The following SLC12A7 variants were observed in gnomAD, a reference collection of about 807,000 sequenced individuals.
SLC12A7 encodes the protein solute carrier family 12 member 7, also known as K-Cl cotransporter 4.
In SLC12A7, 100 loss-of-function variants were observed where a neutral mutation model predicts 120.6. The observed-to-expected ratio is 0.83, with a 90% CI of 0.71 to 0.98. SLC12A7 has a LOEUF of 0.98. Ranked by LOEUF, SLC12A7 falls within the 50% of genes least tolerant of loss-of-function variation. SLC12A7 has a pLI of 0.00. For synonymous variants in SLC12A7, 760 were observed against 678.0 expected, an observed-to-expected ratio of 1.12 and a Z score of -1.88; for missense variants, 1,373 against 1,548.1, an observed-to-expected ratio of 0.89 and a Z score of 1.90.
chr5:1,102,609 T>C (rs1008254593), intron 1 of SLC12A7, among the ~76,000 whole-genome samples: 1 of 152,182 alleles, frequency 6.6e-6, no homozygotes, highest in Admixed American at 6.5e-5. Context: ...TACCCAGCCC[T>C]GCAGAGCAGT....
intron 21 of SLC12A7, among the ~76,000 whole-genome samples, chr5:1,059,669 G>C (rs1313867519): frequency 6.6e-6 from 1 of 151,170 alleles, no homozygotes; most frequent in East Asian, 1.9e-4. Flanking sequence ...ACACCCAGAC[G>C]TCCTCAGCAG....
chr5:1,089,935 G>A (rs1054260214), intron 3 of SLC12A7, among the ~76,000 whole-genome samples: 1 of 152,262 alleles, frequency 6.6e-6, no homozygotes, highest in Non-Finnish European at 1.5e-5. Context: ...AGAGGCACGT[G>A]GCTCAGACCT....
At chr5:1,075,281 A>C in intron 15 of SLC12A7, 90 bp downstream of exon 15, 1 of 1,507,002 alleles carries the variant, frequency 6.6e-7, no homozygotes, top group Admixed American at 2.0e-5. Flanking sequence ...AGCCCCAGGG[A>C]GGCCCCTCCA....
chr5:1,067,774 C>A (rs1396135428), intron 17 of SLC12A7, among the ~76,000 whole-genome samples: 1 of 152,168 alleles, frequency 6.6e-6, no homozygotes, highest in Non-Finnish European at 1.5e-5. Flanking sequence ...ACTGCCCTGG[C>A]CTGGCAGGAA....
chr5:1,122,853 A>T, the SLC12A7 span, among the ~76,000 whole-genome samples: 22 of 152,238 alleles, frequency 1.4e-4, no homozygotes, highest in Non-Finnish European at 2.9e-4. Flanking sequence ...CCCCCTATGT[A>T]GTGATGGGTA....
the SLC12A7 span, among the ~76,000 whole-genome samples, chr5:1,123,683 GAC>G: frequency 6.6e-6 from 1 of 152,238 alleles, no homozygotes; most frequent in African/African-American, 2.4e-5. Context: ...GGTCTTGGAG[GAC>G]ACACGTCACG....
At chr5:1,111,570 G>A (rs1743010981) in intron 1 of SLC12A7, among the ~76,000 whole-genome samples, 2 of 152,148 alleles carry the variant, frequency 1.3e-5, no homozygotes, top group South Asian at 4.1e-4. Flanking sequence ...GCTCCCTCCG[G>A]AGGCGCGCTC....
chr5:1,154,497 CTA>C, the SLC12A7 span, among the ~76,000 whole-genome samples: 1 of 151,990 alleles, frequency 6.6e-6, no homozygotes, highest in African/African-American at 2.4e-5. Context: ...ACACATCACA[CTA>C]TAGACATATA....
chr5:1,110,006 A>G (rs1446334318), intron 1 of SLC12A7, among the ~76,000 whole-genome samples: 1 of 152,016 alleles, frequency 6.6e-6, no homozygotes, highest in African/African-American at 2.4e-5. Context: ...CCCAACCACC[A>G]CCAAAAAGCA....
chr5:1,099,164 T>TGGC (rs2150894972), intron 1 of SLC12A7, among the ~76,000 whole-genome samples: 1 of 152,224 alleles, frequency 6.6e-6, no homozygotes, highest in Non-Finnish European at 1.5e-5. Context: ...GGGCGAGGGA[T>TGGC]GGCCCAACAA....
At chr5:1,074,004 G>A (rs1254824782) in intron 16 of SLC12A7, among the ~76,000 whole-genome samples, 1 of 152,196 alleles carries the variant, frequency 6.6e-6, no homozygotes, top group Non-Finnish European at 1.5e-5. Flanking sequence ...ACAGGTGACA[G>A]GTGAGACAGG....
At chr5:1,137,708 C>T in the SLC12A7 span, among the ~76,000 whole-genome samples, 1 of 152,262 alleles carries the variant, frequency 6.6e-6, no homozygotes, top group African/African-American at 2.4e-5. Context: ...GATTCGGGGC[C>T]GGGGCTCCTC....
Position 1,075,751 on chromosome 5 carries a change from A to G in SLC12A7, c.1848-261T>C, listed in dbSNP as rs1210496469. On this transcript the variant is annotated intron_variant, in intron 14 of 23. Coordinates refer to ENST00000264930, the MANE Select transcript of SLC12A7 (RefSeq NM_006598.3). ...CGTGCACACAGCACCTCGGCTGTGC[A>G]TGCAACAAGGGGCTGAAGCGTCCAC... is the stretch of plus-strand genomic sequence containing the variant. The G allele has an allele frequency of 1.9e-5, 10 of 528,476 alleles. No homozygotes were observed. The East Asian group carries it at 2.4e-4, about 13-fold the overall frequency. The allele number at this position is 528,476 out of a possible 1,614,324, so 32.7% of individuals were successfully genotyped here.
chr5:1,081,633 G>T lies in SLC12A7; in HGVS notation c.1241C>A (p.Thr414Asn). 1 of 1,612,404 alleles carries T rather than the reference G, an allele frequency of 6.2e-7. No individual in the cohort carries two copies. Among genetic ancestry groups the T allele is most frequent in the East Asian group, 2.2e-5 (1 of 44,824 alleles). ...CAGGGTGAAGGAGGCCGCGATGTCGGTGAGCACGTAGGGCAGTGCGCTGGC... is the reference window on the plus strand; with the variant it reads ...CAGGGTGAAGGAGGCCGCGATGTCGTTGAGCACGTAGGGCAGTGCGCTGGC... ...SRASALPYVL[T>N]DIAASFTLLV... The change falls in exon 9 of 24, where the codon ACC becomes AAC. Residue 414 changes from threonine (T) to asparagine (N), a missense_variant. Transcript: ENST00000264930.
chr5:1,082,286 C>T (rs56143307), intron 8 of SLC12A7, among the ~76,000 whole-genome samples: 1,198 of 131,156 alleles, frequency 9.1e-3, no homozygotes, highest in South Asian at 0.04. Flanking sequence ...TTCCCCGTCT[C>T]GGGTTCTGGA....
the SLC12A7 span, among the ~76,000 whole-genome samples, chr5:1,122,044 G>A: frequency 6.6e-6 from 1 of 152,178 alleles, no homozygotes. Context: ...TGGAGGCCCT[G>A]TCTCCCAGCC....
At chr5:1,059,706 C>T (rs564868759) in intron 21 of SLC12A7, among the ~76,000 whole-genome samples, 3 of 149,106 alleles carry the variant, frequency 2.0e-5, no homozygotes, top group East Asian at 4.0e-4. Context: ...GAGCCAAAGC[C>T]GCTGCAGCCA....
the SLC12A7 span, among the ~76,000 whole-genome samples, chr5:1,130,623 G>GTCCCCTCACCTCCTTA: frequency 3.1e-5 from 3 of 97,996 alleles, no homozygotes; most frequent in Non-Finnish European, 6.5e-5. Flanking sequence ...GCCAGGGTGG[G>GTCCCCTCACCTCCTTA]GGCAGCAGGG....
chr5:1,096,363 C>T (rs530896370), intron 1 of SLC12A7, among the ~76,000 whole-genome samples: 1 of 152,260 alleles, frequency 6.6e-6, no homozygotes, highest in Non-Finnish European at 1.5e-5. Context: ...ACTGGTCTTG[C>T]AACCTTTCTG....
Sources: gnomAD v4.1 joint callset for allele counts (sites outside exome capture counted in the v4.1 genomes callset) on GRCh38, gnomAD v4.1.1 for gene constraint, MANE v1.5 for transcripts, NCBI Gene and HGNC (gene_info 2026-07-23, HGNC 2026-07-21) for gene names.